TSPEAR: variants seen among roughly 807,000 people sequenced by gnomAD.
TSPEAR encodes thrombospondin-type laminin G domain and EAR repeat-containing protein.
In TSPEAR, 69 loss-of-function variants were observed where a neutral mutation model predicts 71.6. That is an observed-to-expected ratio of 0.96 (90% confidence interval 0.79 to 1.18). TSPEAR has a LOEUF of 1.18. Ranked by LOEUF, TSPEAR falls within the 50% of genes most tolerant of loss-of-function variation. The pLI is 0.00. For missense variants in TSPEAR, 971 were observed against 894.9 expected (o/e 1.09, Z -1.09); for synonymous variants, 402 against 387.2 (o/e 1.04, Z -0.45).
chr21:44,614,438 G>A (rs1232035046), intron 1 of TSPEAR, among the ~76,000 whole-genome samples: 1 of 152,230 alleles, frequency 6.6e-6, no homozygotes, highest in Admixed American at 6.5e-5. Flanking sequence ...TTGCAGACAG[G>A]GAGTCCAAGA....
In TSPEAR at chr21:44,612,023, T is replaced by C. The variant is rs1206794387; in HGVS notation, c.83-44018A>G. On this transcript the variant is annotated intron_variant, in intron 1 of 11. Coordinates refer to ENST00000323084, the MANE Select transcript of TSPEAR (RefSeq NM_144991.3). The surrounding 1 kb of genome is among the most constrained non-coding windows in gnomAD (Gnocchi z 4.1). Reference sequence around the variant, plus strand: ...CTGTGAGGAAAATACCCAGGGAGGGTATAAAACCTCAGCAGCCAGGGCACA... The same window carrying C: ...CTGTGAGGAAAATACCCAGGGAGGGCATAAAACCTCAGCAGCCAGGGCACA... 2 of 1,429,726 alleles carry C rather than the reference T, an allele frequency of 1.4e-6. No individual in the cohort carries two copies. Among genetic ancestry groups the C allele is most frequent in the East Asian group, 2.3e-5 (1 of 43,688 alleles). 88.6% of individuals were successfully genotyped at this position (1,429,726 alleles called of 1,614,324 possible). A position where few individuals can be genotyped will look rare whatever the true frequency, so the allele number is the denominator to read the frequency against.
chr21:44,548,206 C>T lies in TSPEAR; in HGVS notation c.304-14283G>A, dbSNP rs369878815. ...AGAAACAGACAACTGCACTGCCTTG[C>T]AAACAAGGTCCCCTCTGCTTCCCTG... On this transcript the variant is annotated intron_variant, in intron 2 of 11. Coordinates refer to ENST00000323084, the MANE Select transcript of TSPEAR (RefSeq NM_144991.3). Among the ~76,000 whole-genome samples, 40 of 152,330 alleles carry T rather than the reference C, an allele frequency of 2.6e-4. 2 individuals carry two copies. The highest frequency in any genetic ancestry group is 9.6e-4 in the African/African-American group (40 of 41,578).
intron 9 of TSPEAR, chr21:44,518,129 ATTT>A: frequency 5.6e-6 from 2 of 356,780 alleles, no homozygotes. Flanking sequence ...CATTAGTAGC[ATTT>A]TTTATTTCGT....
intron 1 of TSPEAR, among the ~76,000 whole-genome samples, chr21:44,571,612 CAG>C (rs2053797984): frequency 6.6e-6 from 1 of 152,020 alleles, no homozygotes; most frequent in South Asian, 2.1e-4. Context: ...AGGGATGAAA[CAG>C]GGCAAATCTG....
Position 44,711,352 on chromosome 21 carries a change from G to A in TSPEAR, c.82+81C>T. ...GGCACCGCGGCTTGAATCAGTGTTA[G>A]AAAGTGGCATTTGTGACTCGACACC... On this transcript the variant is annotated intron_variant, in intron 1 of 11. Transcript: ENST00000323084. The surrounding 1 kb of genome is among the most constrained non-coding windows in gnomAD (Gnocchi z 4.5). The A allele has an allele frequency of 3.0e-6, 4 of 1,327,380 alleles. No individual in the cohort carries two copies. The highest frequency in any genetic ancestry group is 4.2e-6 in the Non-Finnish European group (4 of 954,218). 82.2% of individuals were successfully genotyped at this position (1,327,380 alleles called of 1,614,324 possible). A position where few individuals can be genotyped will look rare whatever the true frequency, so the allele number is the denominator to read the frequency against.
intron 2 of TSPEAR, among the ~76,000 whole-genome samples, chr21:44,559,381 A>G (rs1248084085): frequency 2.0e-5 from 3 of 152,124 alleles, no homozygotes; most frequent in Non-Finnish European, 4.4e-5. Flanking sequence ...CGCAGAGGGG[A>G]GCAGGGAGGC....
chr21:44,657,796 G>A (rs1806525831), intron 1 of TSPEAR: 1 of 619,942 alleles, frequency 1.6e-6, no homozygotes, highest in African/African-American at 1.8e-5. Flanking sequence ...GGTGGAGCAT[G>A]ACGCGGGAAA....
At chr21:44,509,448 C>A in intron 9 of TSPEAR, 62 bp from the exon 10 acceptor site, 4 of 812,654 alleles carry the variant, frequency 4.9e-6, no homozygotes, top group Non-Finnish European at 6.3e-6. Context: ...TGTGGGGGAG[C>A]GGGCGCAGAG....
At chr21:44,549,168 G>T (rs1212741388) in intron 2 of TSPEAR, among the ~76,000 whole-genome samples, 1 of 152,174 alleles carries the variant, frequency 6.6e-6, no homozygotes, top group Admixed American at 6.5e-5. Context: ...TTAGGGGAAG[G>T]GGTCGTCTGC....
chr21:44,593,216 C>T lies in TSPEAR; in HGVS notation c.83-25211G>A, dbSNP rs188305046. On this transcript the variant is annotated intron_variant, in intron 1 of 11. Transcript: ENST00000323084. This position sits in a 1 kb window ranked among gnomAD's most constrained non-coding sequence, Gnocchi z 5.9. ...TTGGGTTCTGAACCTGCAGAGTAACCGTGCTGAGCAGCGGGCGGTCAGCAG... is the reference window on the plus strand; with the variant it reads ...TTGGGTTCTGAACCTGCAGAGTAACTGTGCTGAGCAGCGGGCGGTCAGCAG... Among the ~76,000 whole-genome samples the T allele has an allele frequency of 1.8e-4, 28 of 152,256 alleles. No homozygotes were observed. The highest frequency in any genetic ancestry group is 1.2e-3 in the East Asian group (6 of 5,174).
rs587687245 is a variant in TSPEAR at position 44,625,044 on chromosome 21, T to A, written c.83-57039A>T. Among the ~76,000 whole-genome samples the A allele has an allele frequency of 2.0e-5, 3 of 152,306 alleles. No individual in the cohort carries two copies. In the South Asian group the frequency reaches 6.2e-4, roughly 32 times the overall value. On this transcript the variant is annotated intron_variant, in intron 1 of 11. Coordinates refer to ENST00000323084, the MANE Select transcript of TSPEAR (RefSeq NM_144991.3). ...ACTTGACAGAGAGTTTTATACAGCATAAGAAAAAGGTAGCATAATGGAATC... is the reference window on the plus strand; with the variant it reads ...ACTTGACAGAGAGTTTTATACAGCAAAAGAAAAAGGTAGCATAATGGAATC...
In TSPEAR at chr21:44,677,078, C is replaced by CAA; in HGVS notation, c.82+34353_82+34354dup. On this transcript the variant is annotated intron_variant, in intron 1 of 11. Transcript: ENST00000323084. ...CCCACCAGCTCATGATACTGAGATA[C>CAA]AAGCTTAGACTCAAATTGAGCTGCT... is the stretch of plus-strand genomic sequence containing the variant. The CAA allele has an allele frequency of 5.5e-6, 4 of 727,724 alleles. No individual in the cohort carries two copies. In the Admixed American group the frequency reaches 6.0e-5, roughly 11 times the overall value. 45.1% of individuals were successfully genotyped at this position (727,724 alleles called of 1,614,324 possible).
chr21:44,545,540 A>G (rs1352725748), intron 2 of TSPEAR, among the ~76,000 whole-genome samples: 2 of 152,138 alleles, frequency 1.3e-5, no homozygotes, highest in African/African-American at 4.8e-5. Flanking sequence ...ATAATTTAAA[A>G]TGATCAAACT....
At chr21:44,599,169 T>TCC (rs1980594057) in intron 1 of TSPEAR, among the ~76,000 whole-genome samples, 1 of 142,558 alleles carries the variant, frequency 7.0e-6, no homozygotes, top group African/African-American at 2.9e-5. Flanking sequence ...TCTCTCTCTC[T>TCC]CTCCTTCCAT....
intron 1 of TSPEAR, chr21:44,654,251 A>G: frequency 6.3e-7 from 1 of 1,590,800 alleles, no homozygotes; most frequent in South Asian, 1.1e-5. Flanking sequence ...CCTCGCACCT[A>G]CGAGGGTCAT....
chr21:44,647,032 G>C, intron 1 of TSPEAR: 1 of 1,613,274 alleles, frequency 6.2e-7, no homozygotes, highest in Non-Finnish European at 8.5e-7. Context: ...CTGCGTGCCT[G>C]TCTGCTGCAA....
intron 2 of TSPEAR, among the ~76,000 whole-genome samples, chr21:44,553,932 CA>C (rs2053486183): frequency 6.6e-6 from 1 of 152,194 alleles, no homozygotes; most frequent in Admixed American, 6.5e-5. Flanking sequence ...CAAATTATTA[CA>C]TCTTTCTCAA....
intron 2 of TSPEAR, chr21:44,551,634 G>T (rs2053442819): frequency 1.2e-6 from 1 of 867,392 alleles, no homozygotes; most frequent in Non-Finnish European, 1.7e-6. Context: ...TTGGTGTTTG[G>T]AGCCGGGAGG....
intron 1 of TSPEAR, chr21:44,580,181 G>A (rs782309115): frequency 2.5e-6 from 4 of 1,614,118 alleles, no homozygotes; most frequent in South Asian, 1.1e-5. Context: ...GCAGCAGACA[G>A]GCACACAGCA....
Sources: allele counts gnomAD v4.1 joint callset (sites outside exome capture counted in the v4.1 genomes callset), GRCh38; gene constraint gnomAD v4.1.1; non-coding constraint Gnocchi (gnomAD v3.1); transcripts MANE v1.5; gene names NCBI Gene and HGNC (gene_info 2026-07-23, HGNC 2026-07-21).